Variants in MAGI1 observed in about 807,000 individuals in gnomAD.
MAGI1 encodes the protein membrane associated guanylate kinase, WW and PDZ domain containing 1.
MAGI1 carries 58 observed loss-of-function variants against 139.9 expected under a neutral mutation model. The ratio of observed to expected loss-of-function variants is 0.41; its 90% CI spans 0.34 to 0.52. MAGI1 has a LOEUF of 0.52. Ranked by LOEUF, MAGI1 falls within the 20% of genes least tolerant of loss-of-function variation. The pLI is 0.12. For synonymous variants in MAGI1, 812 were observed against 737.9 expected, an observed-to-expected ratio of 1.10 and a Z score of -1.63; for missense variants, 1,874 against 1,901.6, an observed-to-expected ratio of 0.99 and a Z score of 0.27.
At chr3:65,907,154 A>G (rs1360435006) in intron 1 of MAGI1, among the ~76,000 whole-genome samples, 2 of 152,172 alleles carry the variant, frequency 1.3e-5, no homozygotes, top group African/African-American at 4.8e-5. Flanking sequence ...CTGCCTAAGG[A>G]GAGCCCTTAA....
At chr3:65,376,776 T>A (rs1388093052) in intron 17 of MAGI1, among the ~76,000 whole-genome samples, 1 of 152,172 alleles carries the variant, frequency 6.6e-6, no homozygotes, top group Non-Finnish European at 1.5e-5. Context: ...TTCAAATCAT[T>A]CCTCACCCTT....
chr3:65,777,642 C>CAAAAAAAAAAAA (rs11415226), intron 1 of MAGI1, among the ~76,000 whole-genome samples: 1 of 117,096 alleles, frequency 8.5e-6, no homozygotes, highest in Non-Finnish European at 1.7e-5. Flanking sequence ...ACTCTTATCA[C>CAAAAAAAAAAAA]AAAAAAAAAA....
chr3:65,666,829 T>C (rs968364825), intron 1 of MAGI1, among the ~76,000 whole-genome samples: 6 of 152,326 alleles, frequency 3.9e-5, no homozygotes, highest in African/African-American at 1.4e-4. Context: ...GAGACAGCTT[T>C]GGACTCTTCC....
At chr3:65,784,159 C>T (rs1486995311) in intron 1 of MAGI1, among the ~76,000 whole-genome samples, 1 of 151,828 alleles carries the variant, frequency 6.6e-6, no homozygotes, top group Non-Finnish European at 1.5e-5. Flanking sequence ...GTAATGAGCA[C>T]ACAGAGAAAT....
intron 2 of MAGI1, among the ~76,000 whole-genome samples, chr3:65,496,615 T>G (rs759700976): frequency 6.6e-6 from 1 of 152,172 alleles, no homozygotes; most frequent in Non-Finnish European, 1.5e-5. Context: ...AAGCGCCACA[T>G]GCATTAGCTA....
intron 12 of MAGI1, among the ~76,000 whole-genome samples, chr3:65,420,954 T>C (rs1448474473): frequency 2.1e-4 from 32 of 152,206 alleles, no homozygotes. Flanking sequence ...CAATAAAGTC[T>C]GAGTTGCATA....
intron 1 of MAGI1, among the ~76,000 whole-genome samples, chr3:65,835,523 G>A (rs574455964): frequency 9.2e-4 from 140 of 151,364 alleles, no homozygotes; most frequent in Middle Eastern, 3.4e-3. Flanking sequence ...CATTTCCTGA[G>A]TTTCTGATTC....
intron 1 of MAGI1, among the ~76,000 whole-genome samples, chr3:65,812,896 A>G (rs763278253): frequency 2.6e-5 from 4 of 151,332 alleles, no homozygotes; most frequent in Non-Finnish European, 4.4e-5. Flanking sequence ...TTTTTAGCAG[A>G]GATGGGGTTT....
intron 20 of MAGI1, 24 bp from the exon 21 acceptor site, chr3:65,363,632 T>G: frequency 6.2e-7 from 1 of 1,606,296 alleles, no homozygotes; most frequent in Non-Finnish European, 8.5e-7. Context: ...TTAAATGCAA[T>G]CATTCTAGGA....
At chr3:65,528,402 T>C (rs2078487384) in intron 2 of MAGI1, among the ~76,000 whole-genome samples, 6 of 152,172 alleles carry the variant, frequency 3.9e-5, no homozygotes, top group Admixed American at 3.9e-4. Context: ...ATTCAATAGA[T>C]ACACCATGGC....
At chr3:65,469,954 A>G (rs1950453675) in intron 5 of MAGI1, 2 of 147,792 alleles carry the variant, frequency 1.4e-5, no homozygotes, top group Admixed American at 6.8e-5. Context: ...TTAAATATTT[A>G]TTAAAATATT....
chr3:65,904,173 T>C (rs536693132), intron 1 of MAGI1, among the ~76,000 whole-genome samples: 6 of 152,264 alleles, frequency 3.9e-5, no homozygotes, highest in South Asian at 2.1e-4. Context: ...CAGACAGTAA[T>C]GAGACACCAC....
chr3:65,927,704 G>C (rs2062592027), intron 1 of MAGI1, among the ~76,000 whole-genome samples: 1 of 152,164 alleles, frequency 6.6e-6, no homozygotes, highest in Non-Finnish European at 1.5e-5. Context: ...GGCAGTTCCT[G>C]TGGAAAGGGA....
At chr3:65,570,151 G>C (rs536582361) in intron 2 of MAGI1, among the ~76,000 whole-genome samples, 1 of 150,508 alleles carries the variant, frequency 6.6e-6, no homozygotes, top group East Asian at 2.0e-4. Context: ...TGCCAAGGCT[G>C]AAGTACAGTG....
Position 66,026,999 on chromosome 3 carries a change from G to A in MAGI1, c.313+10997C>T, listed in dbSNP as rs188939830. ...AAAAAGAGAGGACCGGCTGGGCGCG[G>A]TGGCTCACACTTGTAATCCCAGCAC... On this transcript the variant is annotated intron_variant, in intron 1 of 22. Transcript: ENST00000402939. 1.1e-3 allele frequency among the ~76,000 whole-genome samples: 161 copies of A among 151,710 alleles called. 3 individuals carry two copies. In the East Asian group the frequency reaches 0.029, roughly 27 times the overall value.
At chr3:65,720,598 T>C (rs1257364805) in intron 1 of MAGI1, among the ~76,000 whole-genome samples, 1 of 152,128 alleles carries the variant, frequency 6.6e-6, no homozygotes, top group East Asian at 1.9e-4. Context: ...GCTCACAGGC[T>C]CTCTCCTCAG....
At position 65,793,271 on chromosome 3, in the gene MAGI1, T is replaced by A. The variant is rs1236052414; in HGVS notation, c.314-171183A>T. Among the ~76,000 whole-genome samples, 21 of 152,290 alleles carry A rather than the reference T, an allele frequency of 1.4e-4. 1 individual carries two copies. In the South Asian group the frequency reaches 4.3e-3, roughly 32 times the overall value. On this transcript the variant is annotated intron_variant, in intron 1 of 22. Coordinates refer to ENST00000402939, the MANE Select transcript of MAGI1 (RefSeq NM_001033057.2). The stretch of plus-strand genomic sequence containing the variant: ...CAGGATAGATGGAATACAGAATGAA[T>A]CTATCTGTGACAACTTTTCATAAGA...
intron 1 of MAGI1, among the ~76,000 whole-genome samples, chr3:65,756,699 A>G: frequency 6.6e-6 from 1 of 152,150 alleles, no homozygotes; most frequent in Non-Finnish European, 1.5e-5. Flanking sequence ...TTTATGAAAA[A>G]TTACAGTCAT....
chr3:65,571,964 T>C lies in MAGI1; in HGVS notation c.430+50008A>G, dbSNP rs560990046. The stretch of plus-strand genomic sequence containing the variant: ...CTCATAACAGATTAAAAAACTAAAG[T>C]TCTACTCTTTGGGTGGAGATAAAAA... On this transcript the variant is annotated intron_variant, in intron 2 of 22. Transcript: ENST00000402939. Among the ~76,000 whole-genome samples, 496 of 152,194 alleles carry C rather than the reference T, an allele frequency of 3.3e-3. 1 individual carries two copies. Among genetic ancestry groups the C allele is most frequent in the African/African-American group, 0.011 (437 of 41,530 alleles).
Sources: gnomAD v4.1 joint callset for allele counts (sites outside exome capture counted in the v4.1 genomes callset) on GRCh38, gnomAD v4.1.1 for gene constraint, MANE v1.5 for transcripts, NCBI Gene and HGNC (gene_info 2026-07-23, HGNC 2026-07-21) for gene names.